Variants in LRRK1 observed in about 807,000 individuals in gnomAD.
LRRK1 encodes leucine rich repeat kinase 1.
In LRRK1, 113 loss-of-function variants were observed where a neutral mutation model predicts 209.1. The observed-to-expected ratio is 0.54, with a 90% CI of 0.46 to 0.63. The LOEUF is 0.63. Among genes scored for constraint, LRRK1 ranks in the 30% least tolerant of loss-of-function variants. The pLI is 0.00. For missense variants in LRRK1, 2,284 were observed against 2,632.2 expected, an observed-to-expected ratio of 0.87 and a Z score of 2.89; for synonymous variants, 1,144 against 1,099.7, an observed-to-expected ratio of 1.04 and a Z score of -0.80.
chr15:100,921,690 A>C (rs953936521), intron 1 of LRRK1, among the ~76,000 whole-genome samples: 1 of 152,220 alleles, frequency 6.6e-6, no homozygotes, highest in African/African-American at 2.4e-5. Context: ...GAAAGAACTC[A>C]ATAAGACATT....
intron 20 of LRRK1, among the ~76,000 whole-genome samples, chr15:101,039,654 G>A (rs1361194275): frequency 6.6e-6 from 1 of 152,186 alleles, no homozygotes. Flanking sequence ...GCGTCATTCT[G>A]TGTGATCTCA....
chr15:100,945,455 T>G (rs925569051), intron 2 of LRRK1, among the ~76,000 whole-genome samples: 1 of 151,678 alleles, frequency 6.6e-6, no homozygotes, highest in Admixed American at 6.6e-5. Flanking sequence ...TATATTTACT[T>G]TTTTAAAAAC....
At chr15:100,977,634 G>A (rs966591401) in intron 3 of LRRK1, among the ~76,000 whole-genome samples, 2 of 152,132 alleles carry the variant, frequency 1.3e-5, no homozygotes, top group Non-Finnish European at 2.9e-5. Context: ...CAATAGCAAG[G>A]AGCCCCTGCT....
At chr15:100,933,155 C>A (rs1464226568) in intron 2 of LRRK1, among the ~76,000 whole-genome samples, 1 of 152,248 alleles carries the variant, frequency 6.6e-6, no homozygotes, top group Admixed American at 6.5e-5. Context: ...CTCCTGCGAT[C>A]TCAATTGGAA....
At chr15:101,001,535 G>A (rs1047954489) in intron 6 of LRRK1, among the ~76,000 whole-genome samples, 27 of 152,072 alleles carry the variant, frequency 1.8e-4, no homozygotes, top group African/African-American at 4.8e-4. Flanking sequence ...TTACTTCTGC[G>A]TATCAGAATG....
At chr15:101,025,546 T>C (rs1173338423) in intron 16 of LRRK1, among the ~76,000 whole-genome samples, 1 of 152,226 alleles carries the variant, frequency 6.6e-6, no homozygotes, top group Non-Finnish European at 1.5e-5. Flanking sequence ...CTGTTGGCTT[T>C]TGGTTAGGCC....
intron 2 of LRRK1, among the ~76,000 whole-genome samples, chr15:100,931,484 T>C (rs750161566): frequency 6.6e-6 from 1 of 152,208 alleles, no homozygotes; most frequent in African/African-American, 2.4e-5. Context: ...AGAAATTGAA[T>C]GTAAGTGGAC....
At position 101,053,078 on chromosome 15, in the gene LRRK1, C is replaced by T. The variant is rs539324349; in HGVS notation, c.3846C>T (p.Asn1282=). The T allele has an allele frequency of 4.4e-6, 7 of 1,607,362 alleles. No individual in the cohort carries two copies. Among genetic ancestry groups the T allele is most frequent in the South Asian group, 3.3e-5 (3 of 90,924 alleles). The change falls in exon 25 of 34, where the codon AAC becomes AAT. Residue 1282 remains asparagine, a synonymous_variant. Coordinates refer to ENST00000388948, the MANE Select transcript of LRRK1 (RefSeq NM_024652.6). ...FHIKKFKNFA[N]VPADTMLRHL... ...TCAAAAAATTCAAGAACTTTGCTAACGTACCGGCAGGTAAGCGGGTCCCAG... is the reference window on the plus strand; with the variant it reads ...TCAAAAAATTCAAGAACTTTGCTAATGTACCGGCAGGTAAGCGGGTCCCAG...
In LRRK1 at chr15:101,009,490, G is replaced by A. The variant is rs754542884; in HGVS notation, c.989+427G>A. Among the ~76,000 whole-genome samples, 86 of 152,248 alleles carry A rather than the reference G, an allele frequency of 5.6e-4. 1 individual carries two copies. The highest frequency in any genetic ancestry group is 1.5e-4 in the Non-Finnish European group (10 of 68,042). ...GCAGGTGGACAGTGTGGGCAGTCCA[G>A]GCTTGCTTCTTCTGGAGGCCTTGGA... On this transcript the variant is annotated intron_variant, in intron 7 of 33. Transcript: ENST00000388948.
chr15:101,009,854 G>A (rs1022171869), intron 7 of LRRK1, among the ~76,000 whole-genome samples: 4 of 152,194 alleles, frequency 2.6e-5, no homozygotes, highest in African/African-American at 7.2e-5. Flanking sequence ...CCAAAGTGCT[G>A]AGATTACAGG....
In LRRK1 at chr15:101,067,931, A is replaced by G. The variant is rs143587664; in HGVS notation, c.5871-740A>G. ...ATTTTACCTCTTTCTCGCTAGAGGG[A>G]GGCTCCTCCCCTAAGGGGAGGTCCT... On this transcript the variant is annotated intron_variant, in intron 33 of 33. Coordinates refer to ENST00000388948, the MANE Select transcript of LRRK1 (RefSeq NM_024652.6). Among the ~76,000 whole-genome samples, 782 of 152,298 alleles carry G rather than the reference A, an allele frequency of 5.1e-3. 6 individuals are homozygous for G. The highest frequency in any genetic ancestry group is 0.018 in the African/African-American group (750 of 41,552).
chr15:100,920,795 C>T (rs2042007324), intron 1 of LRRK1, among the ~76,000 whole-genome samples: 1 of 152,094 alleles, frequency 6.6e-6, no homozygotes, highest in Non-Finnish European at 1.5e-5. Context: ...CCATATCAGT[C>T]CTCTTTATGG....
At chr15:100,968,645 C>A (rs1323281791) in intron 2 of LRRK1, among the ~76,000 whole-genome samples, 1 of 151,810 alleles carries the variant, frequency 6.6e-6, no homozygotes, top group Non-Finnish European at 1.5e-5. Context: ...TTCTTTCTTC[C>A]TTTTCTTTTT....
chr15:100,998,005 C>A (rs1015724026), intron 6 of LRRK1, among the ~76,000 whole-genome samples: 2 of 151,770 alleles, frequency 1.3e-5, no homozygotes, highest in East Asian at 3.9e-4. Flanking sequence ...ATGGTGAAAC[C>A]CCCCCGTCTC....
intron 19 of LRRK1, 152 bp from the exon 20 acceptor site, chr15:101,028,804 G>T: frequency 1.2e-6 from 1 of 861,574 alleles, no homozygotes; most frequent in South Asian, 1.7e-5. Flanking sequence ...TGATCAGGCT[G>T]CCAGCCCACC....
chr15:101,012,899 C>CGG lies in LRRK1; in HGVS notation c.1419+754_1419+755insGG, dbSNP rs1567232124. On this transcript the variant is annotated intron_variant, in intron 10 of 33. Transcript: ENST00000388948. ...AAGAAAGGAGCCACGCGGGGTGCCC[C>CGG]CGGGGGGGGGTGGTCCCACATCATA... is the stretch of plus-strand genomic sequence containing the variant. Among the ~76,000 whole-genome samples, 12 of 150,046 alleles carry CGG rather than the reference C, an allele frequency of 8.0e-5. No homozygotes were observed. The East Asian group carries it at 2.5e-3, about 31-fold the overall frequency.
rs115073765 is a variant in LRRK1 at position 101,060,012 on chromosome 15, G to A, written c.4680-1159G>A. Among the ~76,000 whole-genome samples, 676 of 152,292 alleles carry A rather than the reference G, an allele frequency of 4.4e-3. 2 individuals carry two copies. The highest frequency in any genetic ancestry group is 0.015 in the African/African-American group (644 of 41,554). ...CGCGGCAGGTACCTGAGACAGTTCC[G>A]CTCAGGGCTCTGAAGACTCATCCCA... On this transcript the variant is annotated intron_variant, in intron 29 of 33. Transcript: ENST00000388948.
chr15:101,072,394 T>TA lies in LRRK1; in HGVS notation c.*3546_*3547insA, dbSNP rs2036837697. ...TGCAACAGTGCCATCCTCTGCAGCC[T>TA]GTCAAAGAGGCAGGCAGCACTAACT... On this transcript the variant is annotated 3_prime_UTR_variant, in exon 34 of 34. Transcript: ENST00000388948. 1 of 152,250 alleles carries TA rather than the reference T, an allele frequency of 6.6e-6. No individual in the cohort carries two copies. The highest frequency in any genetic ancestry group is 1.5e-5 in the Non-Finnish European group (1 of 68,050). 9.4% of individuals were successfully genotyped at this position (152,250 alleles called of 1,614,324 possible).
intron 20 of LRRK1, among the ~76,000 whole-genome samples, chr15:101,035,398 A>C (rs1000796979): frequency 2.6e-5 from 4 of 152,038 alleles, no homozygotes. Context: ...TGATCCCTTT[A>C]TCATTTCTTC....
Sources: allele counts gnomAD v4.1 joint callset (sites outside exome capture counted in the v4.1 genomes callset), GRCh38; gene constraint gnomAD v4.1.1; transcripts MANE v1.5; gene names NCBI Gene and HGNC (gene_info 2026-07-23, HGNC 2026-07-21).